PKIG: variants seen among roughly 807,000 people sequenced by gnomAD.
PKIG encodes cAMP-dependent protein kinase inhibitor gamma, also known as protein kinase (cAMP-dependent, catalytic) inhibitor gamma.
Under a neutral mutation model 6.8 loss-of-function variants are expected in PKIG, and 1 was observed. That is an observed-to-expected ratio of 0.15 (90% confidence interval 0.05 to 0.69). The LOEUF (loss-of-function observed/expected upper bound fraction) is 0.69, where lower values mean the gene tolerates loss of function less well. Ranked by LOEUF, PKIG falls within the 30% of genes least tolerant of loss-of-function variation. The probability of loss-of-function intolerance (pLI) is 0.82; values close to 1 mark genes in which losing one functional copy is unlikely to be tolerated. For synonymous variants in PKIG, 39 were observed against 43.0 expected, an observed-to-expected ratio of 0.91 and a Z score of 0.36; for missense variants, 77 against 104.0, an observed-to-expected ratio of 0.74 and a Z score of 1.13.
chr20:44,577,305 G>GT (rs1250761381), intron 1 of PKIG, among the ~76,000 whole-genome samples: 7 of 151,572 alleles, frequency 4.6e-5, no homozygotes, highest in South Asian at 2.1e-4. Context: ...ATTTTTTTGT[G>GT]TTTTTTTTAG....
At chr20:44,537,686 TC>T (rs1424631631) in intron 1 of PKIG, among the ~76,000 whole-genome samples, 1 of 151,044 alleles carries the variant, frequency 6.6e-6, no homozygotes, top group Non-Finnish European at 1.5e-5. Flanking sequence ...CAAGTGATTC[TC>T]CTGCCTCAGC....
chr20:44,542,926 T>C (rs952009937), intron 1 of PKIG, among the ~76,000 whole-genome samples: 1 of 152,130 alleles, frequency 6.6e-6, no homozygotes, highest in African/African-American at 2.4e-5. Context: ...TTGGGACTTG[T>C]GGTGTGATAA....
intron 1 of PKIG, among the ~76,000 whole-genome samples, chr20:44,558,980 T>TAA (rs2064743850): frequency 6.6e-6 from 1 of 152,114 alleles, no homozygotes; most frequent in Non-Finnish European, 1.5e-5. Flanking sequence ...TCCTTATCAC[T>TAA]TATCACCTAA....
intron 1 of PKIG, among the ~76,000 whole-genome samples, chr20:44,567,743 G>C (rs935533277): frequency 1.3e-5 from 2 of 152,226 alleles, no homozygotes; most frequent in Admixed American, 6.5e-5. Context: ...CCAGGATTAA[G>C]AACAGGAGCA....
intron 3 of PKIG, 139 bp from the exon 4 acceptor site, chr20:44,618,146 C>T (rs2065286586): frequency 2.9e-6 from 2 of 682,986 alleles, no homozygotes; most frequent in Non-Finnish European, 5.3e-6. Flanking sequence ...AGGCCACCAC[C>T]ACCTCAGTCC....
chr20:44,542,263 A>T (rs900141946), intron 1 of PKIG, among the ~76,000 whole-genome samples: 5 of 152,122 alleles, frequency 3.3e-5, no homozygotes, highest in Non-Finnish European at 5.9e-5. Context: ...TTATCTGTAA[A>T]ATGTCTCATG....
intron 1 of PKIG, among the ~76,000 whole-genome samples, chr20:44,575,011 A>G (rs1356800849): frequency 1.3e-5 from 2 of 152,168 alleles, no homozygotes; most frequent in African/African-American, 2.4e-5. Flanking sequence ...GTCAGATCCA[A>G]ACAAGGACCT....
At chr20:44,554,235 G>A (rs2064693879) in intron 1 of PKIG, among the ~76,000 whole-genome samples, 1 of 151,804 alleles carries the variant, frequency 6.6e-6, no homozygotes, top group Non-Finnish European at 1.5e-5. Context: ...ACACCACCAT[G>A]CCTGGCTAAT....
intron 1 of PKIG, among the ~76,000 whole-genome samples, chr20:44,536,129 C>G (rs1024526183): frequency 6.6e-6 from 1 of 152,194 alleles, no homozygotes; most frequent in South Asian, 2.1e-4. Flanking sequence ...TGTTGTGTAG[C>G]ATGTGTCAGA....
intron 2 of PKIG, among the ~76,000 whole-genome samples, chr20:44,594,764 A>G (rs1275537698): frequency 6.6e-6 from 1 of 151,366 alleles, no homozygotes; most frequent in African/African-American, 2.4e-5. Flanking sequence ...AGTCTGGGGG[A>G]TTTCCAGCTC....
At chr20:44,597,668 G>T (rs897098272) in intron 2 of PKIG, among the ~76,000 whole-genome samples, 3 of 152,168 alleles carry the variant, frequency 2.0e-5, no homozygotes, top group Non-Finnish European at 2.9e-5. Context: ...AGTCCATCTG[G>T]ATCACTGCTT....
At chr20:44,554,876 G>A (rs958160508) in intron 1 of PKIG, among the ~76,000 whole-genome samples, 2 of 152,156 alleles carry the variant, frequency 1.3e-5, no homozygotes, top group African/African-American at 4.8e-5. Context: ...CCCCCAACTC[G>A]ATAAGATACA....
intron 1 of PKIG, among the ~76,000 whole-genome samples, chr20:44,571,741 G>A (rs1436656270): frequency 6.6e-6 from 1 of 152,210 alleles, no homozygotes; most frequent in Admixed American, 6.5e-5. Context: ...GCTGTAACAC[G>A]TTCTGTGAGT....
intron 1 of PKIG, among the ~76,000 whole-genome samples, chr20:44,573,856 A>C (rs535630188): frequency 5.3e-5 from 8 of 152,334 alleles, no homozygotes; most frequent in Admixed American, 4.6e-4. Context: ...AGGATTCTAA[A>C]CCTAAGGAAG....
intron 1 of PKIG, among the ~76,000 whole-genome samples, chr20:44,583,517 A>T (rs112805484): frequency 0.018 from 2,768 of 152,166 alleles, 88 homozygotes; most frequent in African/African-American, 0.064. Flanking sequence ...GAGGATTCCT[A>T]GGTGGCTTGA....
chr20:44,536,581 T>G (rs2123126004), intron 1 of PKIG, among the ~76,000 whole-genome samples: 1 of 152,222 alleles, frequency 6.6e-6, no homozygotes, highest in Admixed American at 6.5e-5. Flanking sequence ...GGGGCATCAG[T>G]CCTGGTGGGG....
At chr20:44,558,898 C>G (rs915365801) in intron 1 of PKIG, among the ~76,000 whole-genome samples, 1 of 151,950 alleles carries the variant, frequency 6.6e-6, no homozygotes, top group Non-Finnish European at 1.5e-5. Flanking sequence ...ACTATAAATG[C>G]GTGCCACTGT....
intron 1 of PKIG, among the ~76,000 whole-genome samples, chr20:44,568,035 A>G (rs73615484): frequency 0.012 from 1,764 of 152,272 alleles, 18 homozygotes; most frequent in East Asian, 0.065. Context: ...AGTCCCAGCT[A>G]TTCAGGAAGC....
At chr20:44,551,964 C>T (rs1157552380) in intron 1 of PKIG, among the ~76,000 whole-genome samples, 1 of 152,096 alleles carries the variant, frequency 6.6e-6, no homozygotes, top group Non-Finnish European at 1.5e-5. Flanking sequence ...AGAGTGTCTC[C>T]CCGTGTATTG....
Sources: gnomAD v4.1 joint callset for allele counts (sites outside exome capture counted in the v4.1 genomes callset) on GRCh38, gnomAD v4.1.1 for gene constraint, MANE v1.5 for transcripts, NCBI Gene and HGNC (gene_info 2026-07-23, HGNC 2026-07-21) for gene names.